Variants in POU3F3 observed in about 807,000 individuals in gnomAD.
The protein encoded by POU3F3 is POU class 3 homeobox 3, also known as POU domain, class 3, transcription factor 3.
Under a neutral mutation model 8.6 loss-of-function variants are expected in POU3F3, and 1 was observed. That is an observed-to-expected ratio of 0.12 (90% CI 0.04 to 0.55). The LOEUF (loss-of-function observed/expected upper bound fraction) is 0.55. Among genes scored for constraint, POU3F3 ranks in the 20% least tolerant of loss-of-function variants. The pLI, the probability that POU3F3 is intolerant of heterozygous loss-of-function variation, is 0.91. For synonymous variants in POU3F3, 418 were observed against 327.4 expected, an observed-to-expected ratio of 1.28 and a Z score of -2.99; for missense variants, 577 against 690.7, an observed-to-expected ratio of 0.84 and a Z score of 1.84.
At chr2:104,905,104 C>T in the POU3F3 span, among the ~76,000 whole-genome samples, 1 of 152,192 alleles carries the variant, frequency 6.6e-6, no homozygotes, top group Non-Finnish European at 1.5e-5. Context: ...CATCTGGACA[C>T]CTGGAACTCC....
chr2:104,926,738 C>A, the POU3F3 span, among the ~76,000 whole-genome samples: 3 of 152,144 alleles, frequency 2.0e-5, no homozygotes, highest in Non-Finnish European at 4.4e-5. Flanking sequence ...AAATGTGGCA[C>A]ATATATACCA....
chr2:104,910,265 G>A, the POU3F3 span, among the ~76,000 whole-genome samples: 4 of 152,066 alleles, frequency 2.6e-5, no homozygotes, highest in Non-Finnish European at 5.9e-5. Flanking sequence ...ACTTTCTCTG[G>A]GGTCAAATGA....
the POU3F3 span, among the ~76,000 whole-genome samples, chr2:104,880,118 T>G: frequency 6.6e-6 from 1 of 152,176 alleles, no homozygotes; most frequent in Non-Finnish European, 1.5e-5. Context: ...AGCTTATTCT[T>G]TCTCCTTCAT....
At chr2:104,885,584 C>A in the POU3F3 span, among the ~76,000 whole-genome samples, 5 of 152,274 alleles carry the variant, frequency 3.3e-5, no homozygotes, top group African/African-American at 1.2e-4. Flanking sequence ...CCACCAGCAC[C>A]ATGACAATTT....
the POU3F3 span, among the ~76,000 whole-genome samples, chr2:104,892,473 T>G: frequency 1.4e-4 from 22 of 151,944 alleles, no homozygotes; most frequent in Admixed American, 9.8e-4. Context: ...ATGTATGTAT[T>G]TATTTATTTT....
Position 104,857,085 on chromosome 2 carries a change from C to T in POU3F3, c.*72C>T. On this transcript the variant is annotated 3_prime_UTR_variant, in exon 1 of 1. Coordinates refer to ENST00000361360, the MANE Select transcript of POU3F3 (RefSeq NM_006236.3). ...AGCCGCCGTCAGCACCGCCGCCGCC[C>T]CTGCCGCCGCCGCCGCCGCCGCCGC... 2.0e-6 allele frequency: 2 copies of T among 1,019,454 alleles called. No individual in the cohort carries two copies. The highest frequency in any genetic ancestry group is 2.3e-6 in the Non-Finnish European group (2 of 853,192). The allele number at this position is 1,019,454 out of a possible 1,614,324, so 63.2% of individuals were successfully genotyped here.
chr2:104,910,829 G>A, the POU3F3 span, among the ~76,000 whole-genome samples: 1 of 151,444 alleles, frequency 6.6e-6, no homozygotes, highest in African/African-American at 2.4e-5. Context: ...GATGTAAAAT[G>A]CTCAGGAAAA....
chr2:104,874,669 A>T, the POU3F3 span, among the ~76,000 whole-genome samples: 2 of 152,056 alleles, frequency 1.3e-5, no homozygotes, highest in Non-Finnish European at 2.9e-5. Flanking sequence ...AAGATGATAG[A>T]TCTCACCAGT....
chr2:104,913,123 G>T, the POU3F3 span, among the ~76,000 whole-genome samples: 1 of 151,998 alleles, frequency 6.6e-6, no homozygotes, highest in Middle Eastern at 3.2e-3. Flanking sequence ...GTTGGGCCTT[G>T]TTCTCCAGCC....
At chr2:104,898,728 C>T in the POU3F3 span, among the ~76,000 whole-genome samples, 2 of 152,144 alleles carry the variant, frequency 1.3e-5, no homozygotes, top group African/African-American at 4.8e-5. Context: ...TCCTTAGATG[C>T]TGGCTTTAGA....
At chr2:104,891,066 TG>T in the POU3F3 span, among the ~76,000 whole-genome samples, 1 of 152,174 alleles carries the variant, frequency 6.6e-6, no homozygotes, top group Non-Finnish European at 1.5e-5. Flanking sequence ...ATCTGTAAGC[TG>T]GAGAAAGTAG....
chr2:104,901,236 C>G, the POU3F3 span, among the ~76,000 whole-genome samples: 146 of 152,330 alleles, frequency 9.6e-4, no homozygotes, highest in African/African-American at 3.4e-3. Flanking sequence ...AGCTCACTGA[C>G]AGCCCTGAGA....
At chr2:104,913,674 G>T in the POU3F3 span, among the ~76,000 whole-genome samples, 1 of 152,146 alleles carries the variant, frequency 6.6e-6, no homozygotes, top group East Asian at 1.9e-4. Context: ...CAAGAGCTAC[G>T]ATCTTCAGCA....
At chr2:104,880,352 G>A in the POU3F3 span, among the ~76,000 whole-genome samples, 5 of 152,146 alleles carry the variant, frequency 3.3e-5, no homozygotes, top group Admixed American at 3.3e-4. Context: ...CCATTTCCAA[G>A]TTCTGTGCTT....
chr2:104,927,125 C>A, the POU3F3 span, among the ~76,000 whole-genome samples: 72 of 152,276 alleles, frequency 4.7e-4, no homozygotes, highest in African/African-American at 1.6e-3. Context: ...ATAGTCCTCA[C>A]TGTGCCCTAA....
the POU3F3 span, among the ~76,000 whole-genome samples, chr2:104,892,050 G>A: frequency 1.3e-5 from 2 of 152,146 alleles, no homozygotes; most frequent in Non-Finnish European, 2.9e-5. Context: ...CCTGGGCTCC[G>A]ATCAAACCCC....
the POU3F3 span, among the ~76,000 whole-genome samples, chr2:104,923,648 C>A: frequency 6.6e-6 from 1 of 152,076 alleles, no homozygotes; most frequent in Non-Finnish European, 1.5e-5. Flanking sequence ...ATAGAAAACA[C>A]ATAGCAAAAT....
the POU3F3 span, among the ~76,000 whole-genome samples, chr2:104,892,520 C>A: frequency 6.6e-6 from 1 of 152,050 alleles, no homozygotes; most frequent in Non-Finnish European, 1.5e-5. Flanking sequence ...GGCTGGAGTG[C>A]AGTGGTGTGA....
the POU3F3 span, chr2:104,872,467 G>C: frequency 5.0e-6 from 2 of 401,512 alleles, no homozygotes; most frequent in Admixed American, 2.6e-5. This position sits in a 1 kb window ranked among gnomAD's most constrained non-coding sequence, Gnocchi z 4.6. Flanking sequence ...AAATGAACGC[G>C]ACGGCCCGTT....
Sources: allele counts gnomAD v4.1 joint callset (sites outside exome capture counted in the v4.1 genomes callset), GRCh38; gene constraint gnomAD v4.1.1; non-coding constraint Gnocchi (gnomAD v3.1); transcripts MANE v1.5; gene names NCBI Gene and HGNC (gene_info 2026-07-23, HGNC 2026-07-21).